SCUBE1: variants seen among roughly 807,000 people sequenced by gnomAD.
SCUBE1 encodes signal peptide, CUB and EGF-like domain-containing protein 1.
SCUBE1 carries 59 observed loss-of-function variants against 124.4 expected under a neutral mutation model. The observed-to-expected ratio is 0.47, with a 90% CI of 0.38 to 0.59. The LOEUF (loss-of-function observed/expected upper bound fraction) is 0.59, where lower values mean the gene tolerates loss of function less well. Among genes scored for constraint, SCUBE1 ranks in the 20% least tolerant of loss-of-function variants. SCUBE1 has a pLI of 0.00. For missense variants in SCUBE1, 1,150 were observed against 1,371.2 expected (o/e 0.84, Z 2.55); for synonymous variants, 545 against 550.9 (o/e 0.99, Z 0.15).
At chr22:43,247,434 G>T (rs1190502291) in intron 6 of SCUBE1, among the ~76,000 whole-genome samples, 6 of 152,218 alleles carry the variant, frequency 3.9e-5, no homozygotes, top group African/African-American at 1.4e-4. Context: ...CTGGAGTGAA[G>T]CTCCAACCAC....
chr22:43,225,883 A>G (rs1412312588), intron 10 of SCUBE1, among the ~76,000 whole-genome samples: 1 of 152,040 alleles, frequency 6.6e-6, no homozygotes, highest in Non-Finnish European at 1.5e-5. Flanking sequence ...TATGCTTGTA[A>G]GACGGAGATC....
At chr22:43,318,520 A>C (rs992521234) in intron 3 of SCUBE1, among the ~76,000 whole-genome samples, 1 of 152,130 alleles carries the variant, frequency 6.6e-6, no homozygotes, top group African/African-American at 2.4e-5. Flanking sequence ...AAAGAAAACC[A>C]AAATGCCTGA....
intron 3 of SCUBE1, among the ~76,000 whole-genome samples, chr22:43,297,187 C>T (rs1224681617): frequency 2.0e-5 from 3 of 152,248 alleles, no homozygotes; most frequent in Admixed American, 2.0e-4. Context: ...GCCACCTTGC[C>T]CGTCCATCTC....
At chr22:43,327,350 A>G (rs1350790981) in intron 2 of SCUBE1, among the ~76,000 whole-genome samples, 2 of 152,208 alleles carry the variant, frequency 1.3e-5, no homozygotes, top group Non-Finnish European at 2.9e-5. Context: ...CGATGGTTCT[A>G]TTTACATCAA....
chr22:43,294,513 G>A (rs888661602), intron 3 of SCUBE1, among the ~76,000 whole-genome samples: 9 of 152,150 alleles, frequency 5.9e-5, no homozygotes, highest in Admixed American at 3.9e-4. Flanking sequence ...AGCACACACC[G>A]CCCCATGGTC....
chr22:43,310,327 C>G (rs1008734613), intron 3 of SCUBE1, among the ~76,000 whole-genome samples: 4 of 152,160 alleles, frequency 2.6e-5, no homozygotes, highest in African/African-American at 4.8e-5. Flanking sequence ...TCTGTTACCC[C>G]CCTCATTGGT....
chr22:43,281,532 TC>T lies in SCUBE1; in HGVS notation c.484+9513del, dbSNP rs150315087. Among the ~76,000 whole-genome samples, 93 of 53,882 alleles carry T rather than the reference TC, an allele frequency of 1.7e-3. 1 individual carries two copies. The highest frequency in any genetic ancestry group is 7.7e-3 in the East Asian group (2 of 260). The allele number at this position is 53,882 out of a possible 152,430, so 35.3% of individuals were successfully genotyped here. A position where few individuals can be genotyped will look rare whatever the true frequency, so the allele number is the denominator to read the frequency against. On this transcript the variant is annotated intron_variant, in intron 4 of 21. Transcript: ENST00000360835. Reference sequence around the variant, plus strand: ...CCTCCTCAGCCACCCTCCTGTCACCTCCCTCAGTCACCCTCCTGTCACCTCC... The same window carrying T: ...CCTCCTCAGCCACCCTCCTGTCACCTCCTCAGTCACCCTCCTGTCACCTCC...
At chr22:43,319,793 G>T in intron 3 of SCUBE1, 144 bp downstream of exon 3, 1 of 926,090 alleles carries the variant, frequency 1.1e-6, no homozygotes, top group Non-Finnish European at 1.6e-6. Flanking sequence ...CACCCAGTCT[G>T]TGGTATTTTG....
At chr22:43,216,094 T>C (rs1432688510) in intron 15 of SCUBE1, among the ~76,000 whole-genome samples, 4 of 152,024 alleles carry the variant, frequency 2.6e-5, no homozygotes, top group Non-Finnish European at 4.4e-5. Context: ...TCACCCAGGC[T>C]GGAGTGCAGT....
At position 43,207,515 on chromosome 22, in the gene SCUBE1, T is replaced by C. The variant is rs1921339236; in HGVS notation, c.2814+19A>G. The C allele has an allele frequency of 8.1e-6, 13 of 1,599,606 alleles. No homozygotes were observed. The highest frequency in any genetic ancestry group is 1.0e-5 in the Non-Finnish European group (12 of 1,166,908). Reference sequence around the variant, plus strand: ...CCATCCCAGGGTTACGTGGATTCCCTTCCAATAAACTCACTCACTTTCAAA... The same window carrying C: ...CCATCCCAGGGTTACGTGGATTCCCCTCCAATAAACTCACTCACTTTCAAA... On this transcript the variant is annotated intron_variant, in intron 21 of 21. Transcript: ENST00000360835.
At chr22:43,239,026 G>T in intron 6 of SCUBE1, 72 bp from the exon 7 acceptor site, 1 of 1,220,464 alleles carries the variant, frequency 8.2e-7, no homozygotes, top group Non-Finnish European at 1.2e-6. Context: ...TCCGTGGAAA[G>T]ATCTTCTATG....
At chr22:43,222,566 C>T in intron 12 of SCUBE1, 72 bp downstream of exon 12, 2 of 1,220,012 alleles carry the variant, frequency 1.6e-6, no homozygotes, top group Non-Finnish European at 2.3e-6. Context: ...CCCTTTCCTC[C>T]CCCGCCAGCA....
intron 11 of SCUBE1, 96 bp downstream of exon 11, chr22:43,223,001 G>A: frequency 6.9e-7 from 1 of 1,452,788 alleles, no homozygotes; most frequent in Non-Finnish European, 9.2e-7. Flanking sequence ...TCCTAGGTCA[G>A]ACTCTTTCCT....
At chr22:43,319,866 C>CA in intron 3 of SCUBE1, 71 bp downstream of exon 3, 1 of 1,569,332 alleles carries the variant, frequency 6.4e-7, no homozygotes, top group South Asian at 1.2e-5. Flanking sequence ...TCATGGCTCC[C>CA]AACTCTGTAA....
intron 3 of SCUBE1, among the ~76,000 whole-genome samples, chr22:43,299,872 T>A (rs1225451374): frequency 6.6e-6 from 1 of 152,082 alleles, no homozygotes; most frequent in Non-Finnish European, 1.5e-5. Context: ...GTAAAGAGAG[T>A]CATGCGATAT....
intron 6 of SCUBE1, among the ~76,000 whole-genome samples, chr22:43,243,527 A>G (rs1923088718): frequency 6.6e-6 from 1 of 152,322 alleles, no homozygotes; most frequent in South Asian, 2.1e-4. Flanking sequence ...AGGGGCGAGG[A>G]CAAAAGGATG....
At chr22:43,321,324 G>A (rs1926546667) in intron 2 of SCUBE1, among the ~76,000 whole-genome samples, 1 of 152,326 alleles carries the variant, frequency 6.6e-6, no homozygotes, top group South Asian at 2.1e-4. Context: ...AGGGAGACAC[G>A]GAACTCCTTG....
At position 43,234,593 on chromosome 22, in the gene SCUBE1, C is replaced by A. The variant is rs949072492; in HGVS notation, c.845-2718G>T. 7.9e-5 allele frequency among the ~76,000 whole-genome samples: 12 copies of A among 152,178 alleles called. No homozygotes were observed. The highest frequency in any genetic ancestry group is 2.6e-4 in the Admixed American group (4 of 15,284). ...GGGGGTCAGGATGGAGGGAAGCCCC[C>A]TCCTCACACTACCTCAGGATATAGT... is the stretch of plus-strand genomic sequence containing the variant. On this transcript the variant is annotated intron_variant, in intron 7 of 21. Coordinates refer to ENST00000360835, the MANE Select transcript of SCUBE1 (RefSeq NM_173050.5). This position sits in a 1 kb window ranked among gnomAD's most constrained non-coding sequence, Gnocchi z 4.4.
At chr22:43,321,085 C>A (rs1165920409) in intron 2 of SCUBE1, among the ~76,000 whole-genome samples, 1 of 152,196 alleles carries the variant, frequency 6.6e-6, no homozygotes, top group East Asian at 1.9e-4. Flanking sequence ...CCGGAAGTGT[C>A]CCCCACAGGG....
Sources: allele counts gnomAD v4.1 joint callset (sites outside exome capture counted in the v4.1 genomes callset), GRCh38; gene constraint gnomAD v4.1.1; non-coding constraint Gnocchi (gnomAD v3.1); transcripts MANE v1.5; gene names NCBI Gene and HGNC (gene_info 2026-07-23, HGNC 2026-07-21).